Variants in DLG2 observed in about 807,000 individuals in gnomAD.
The protein encoded by DLG2 is disks large homolog 2.
DLG2 carries 45 observed loss-of-function variants against 132.5 expected under a neutral mutation model. That is an observed-to-expected ratio of 0.34 (90% CI 0.27 to 0.44). The LOEUF (loss-of-function observed/expected upper bound fraction) is 0.44, where lower values mean the gene tolerates loss of function less well. Ranked by LOEUF, DLG2 falls within the 20% of genes least tolerant of loss-of-function variation. DLG2 has a pLI of 1.00. For synonymous variants in DLG2, 424 were observed against 419.6 expected (o/e 1.01, Z -0.13); for missense variants, 1,045 against 1,196.9 (o/e 0.87, Z 1.87).
chr11:84,887,031 G>T (rs1211793075), intron 6 of DLG2, among the ~76,000 whole-genome samples: 2 of 152,020 alleles, frequency 1.3e-5, no homozygotes, highest in Non-Finnish European at 2.9e-5. Flanking sequence ...CTCTGTTAAG[G>T]GAGAAGTGTT....
intron 7 of DLG2, among the ~76,000 whole-genome samples, chr11:84,256,057 C>T (rs1358639098): frequency 6.6e-6 from 1 of 151,930 alleles, no homozygotes; most frequent in East Asian, 1.9e-4. Context: ...CCTTCCTATC[C>T]TTGGGCTTCA....
intron 14 of DLG2, among the ~76,000 whole-genome samples, chr11:83,942,764 C>T (rs1013106987): frequency 2.0e-5 from 3 of 151,808 alleles, no homozygotes; most frequent in African/African-American, 4.8e-5. Context: ...TTTTGTACCC[C>T]ATAAGGGGAT....
At chr11:85,185,592 A>G (rs1444360555) in intron 4 of DLG2, among the ~76,000 whole-genome samples, 1 of 151,644 alleles carries the variant, frequency 6.6e-6, no homozygotes, top group Admixed American at 6.6e-5. Context: ...ACCTTTTCCC[A>G]GTGCCACTAA....
intron 6 of DLG2, among the ~76,000 whole-genome samples, chr11:84,922,395 A>G (rs2092795017): frequency 6.6e-6 from 1 of 152,150 alleles, no homozygotes; most frequent in Non-Finnish European, 1.5e-5. Context: ...AACCTTCTCA[A>G]TAATAATGCC....
At chr11:83,887,242 C>T (rs536886450) in intron 15 of DLG2, among the ~76,000 whole-genome samples, 38 of 151,816 alleles carry the variant, frequency 2.5e-4, no homozygotes, top group Non-Finnish European at 4.1e-4. Flanking sequence ...ATCAAACAGA[C>T]GCAATAAAAA....
At chr11:84,939,358 A>T (rs1306811725) in intron 6 of DLG2, among the ~76,000 whole-genome samples, 1 of 152,244 alleles carries the variant, frequency 6.6e-6, no homozygotes, top group Admixed American at 6.5e-5. Context: ...CAGAGTAAAT[A>T]GGGTATCTAT....
intron 11 of DLG2, among the ~76,000 whole-genome samples, chr11:84,002,911 C>A (rs1325370157): frequency 1.3e-5 from 2 of 152,194 alleles, no homozygotes; most frequent in Admixed American, 6.5e-5. Context: ...CTTTTATGCT[C>A]TGTTTCCCTT....
At chr11:85,407,554 G>C (rs1443839446) in intron 3 of DLG2, among the ~76,000 whole-genome samples, 1 of 151,806 alleles carries the variant, frequency 6.6e-6, no homozygotes, top group East Asian at 1.9e-4. Context: ...AAGTGGACTA[G>C]GAGGCAAGAA....
intron 7 of DLG2, among the ~76,000 whole-genome samples, chr11:84,305,889 T>C (rs2098212445): frequency 2.0e-5 from 3 of 152,142 alleles, no homozygotes; most frequent in South Asian, 4.1e-4. Context: ...TTTGCACAAA[T>C]AGATTTCTTA....
At chr11:85,331,501 G>T (rs1329156582) in intron 3 of DLG2, among the ~76,000 whole-genome samples, 1 of 152,014 alleles carries the variant, frequency 6.6e-6, no homozygotes, top group African/African-American at 2.4e-5. Context: ...GCGTGCATAT[G>T]CAGGTCTGTT....
At chr11:83,854,309 C>T (rs2060192886) in intron 16 of DLG2, among the ~76,000 whole-genome samples, 1 of 152,100 alleles carries the variant, frequency 6.6e-6, no homozygotes, top group Non-Finnish European at 1.5e-5. Flanking sequence ...TTCTTTCCAA[C>T]TTAATTTGTA....
intron 4 of DLG2, among the ~76,000 whole-genome samples, chr11:85,170,682 G>A: frequency 6.6e-6 from 1 of 152,134 alleles, no homozygotes; most frequent in African/African-American, 2.4e-5. Flanking sequence ...TGCACAGGTG[G>A]TAAAAAGAAT....
At chr11:84,443,055 A>T (rs570481583) in intron 7 of DLG2, among the ~76,000 whole-genome samples, 1 of 152,296 alleles carries the variant, frequency 6.6e-6, no homozygotes, top group South Asian at 2.1e-4. Context: ...TGAAAAAAAG[A>T]TTCCAAATAA....
At chr11:83,555,943 G>C (rs1195826067) in intron 19 of DLG2, among the ~76,000 whole-genome samples, 1 of 152,050 alleles carries the variant, frequency 6.6e-6, no homozygotes, top group East Asian at 1.9e-4. Context: ...ATTCTCCTTG[G>C]AGCATTTTTA....
intron 7 of DLG2, among the ~76,000 whole-genome samples, chr11:84,262,505 G>T (rs541667263): frequency 6.6e-6 from 1 of 152,112 alleles, no homozygotes; most frequent in Admixed American, 6.5e-5. Context: ...AAAAATGAAT[G>T]CAATTTTCAT....
At chr11:84,363,222 T>C (rs1431959934) in intron 7 of DLG2, among the ~76,000 whole-genome samples, 1 of 152,138 alleles carries the variant, frequency 6.6e-6, no homozygotes, top group Non-Finnish European at 1.5e-5. Flanking sequence ...TGATATGATA[T>C]CTCATTGTGG....
chr11:85,112,639 A>G (rs919738046), intron 5 of DLG2, among the ~76,000 whole-genome samples: 2 of 152,084 alleles, frequency 1.3e-5, no homozygotes. Flanking sequence ...GACACATTAT[A>G]TTATTACTAG....
rs75371531 is a variant in DLG2 at position 83,877,824 on chromosome 11, G to T, written c.1497-3336C>A. On this transcript the variant is annotated intron_variant, in intron 15 of 27. Transcript: ENST00000376104. Reference sequence around the variant, plus strand: ...TAATAGTAATGTCCAAGCTATACTTGCAGGAGGGATGCTTGTAGTGGATGT... The same window carrying T: ...TAATAGTAATGTCCAAGCTATACTTTCAGGAGGGATGCTTGTAGTGGATGT... Among the ~76,000 whole-genome samples, 666 of 152,282 alleles carry T rather than the reference G, an allele frequency of 4.4e-3. 5 individuals are homozygous for T. The highest frequency in any genetic ancestry group is 0.016 in the African/African-American group (646 of 41,554).
Position 84,302,435 on chromosome 11 carries a change from C to T in DLG2, c.520-51144G>A, listed in dbSNP as rs191578129. Among the ~76,000 whole-genome samples the T allele has an allele frequency of 6.6e-5, 10 of 152,162 alleles. No homozygotes were observed. In the East Asian group the frequency reaches 1.7e-3, roughly 26 times the overall value. The stretch of plus-strand genomic sequence containing the variant: ...TTTTAAAAAACATTGCAACATGATG[C>T]TAATTTTTAAAAAGAAGTTATATTC... On this transcript the variant is annotated intron_variant, in intron 7 of 27. Coordinates refer to ENST00000376104, the MANE Select transcript of DLG2 (RefSeq NM_001142699.3).
Sources: gnomAD v4.1 joint callset for allele counts (sites outside exome capture counted in the v4.1 genomes callset) on GRCh38, gnomAD v4.1.1 for gene constraint, MANE v1.5 for transcripts, NCBI Gene and HGNC (gene_info 2026-07-23, HGNC 2026-07-21) for gene names.